Variants in RIMOC1 observed in about 807,000 individuals in gnomAD.
RIMOC1 encodes RAB7A-interacting MON1-CCZ1 complex subunit 1.
chr5:41,912,150 CA>C, the RIMOC1 span: 1 of 1,609,382 alleles, frequency 6.2e-7, no homozygotes, highest in Admixed American at 1.7e-5. Context: ...AGTTTCTTTC[CA>C]AGATCTAGAC....
the RIMOC1 span, chr5:41,918,133 C>T: frequency 1.0e-6 from 1 of 985,654 alleles, no homozygotes; most frequent in African/African-American, 1.7e-5. Flanking sequence ...TTTCTGTCTA[C>T]CTCAACTCCT....
At chr5:41,918,701 A>G in the RIMOC1 span, 2 of 985,322 alleles carry the variant, frequency 2.0e-6, no homozygotes, top group African/African-American at 1.7e-5. Context: ...CCTCTCTCCC[A>G]TTTCCCGCTG....
At chr5:41,911,289 C>G in the RIMOC1 span, 1 of 1,003,088 alleles carries the variant, frequency 1.0e-6, no homozygotes, top group African/African-American at 1.7e-5. Context: ...AGTTTGTATT[C>G]TGTGTCTTTT....
the RIMOC1 span, chr5:41,907,707 A>G: frequency 2.4e-3 from 3,319 of 1,389,976 alleles, 68 homozygotes; most frequent in African/African-American, 0.043. Flanking sequence ...AACTAGGTGA[A>G]GTAATCCTCA....
chr5:41,910,033 C>G, the RIMOC1 span: 1 of 615,242 alleles, frequency 1.6e-6, no homozygotes, highest in African/African-American at 2.0e-5. Flanking sequence ...AAGAGCTTAA[C>G]ACTTCAGACC....
the RIMOC1 span, chr5:41,916,453 A>G: frequency 1.0e-6 from 1 of 966,864 alleles, no homozygotes; most frequent in African/African-American, 1.8e-5. Flanking sequence ...TTCTGGTAAT[A>G]CAAAGCATCT....
At chr5:41,907,682 T>C in the RIMOC1 span, 2 of 1,119,800 alleles carry the variant, frequency 1.8e-6, no homozygotes, top group Non-Finnish European at 2.6e-6. Context: ...GTTTTTTGTT[T>C]AAATAACACT....
At chr5:41,908,522 TG>T in the RIMOC1 span, 1 of 152,182 alleles carries the variant, frequency 6.6e-6, no homozygotes, top group African/African-American at 2.4e-5. Context: ...GCTTCCAAAG[TG>T]CCCATTTATA....
At chr5:41,906,378 G>T in the RIMOC1 span, among the ~76,000 whole-genome samples, 2 of 152,062 alleles carry the variant, frequency 1.3e-5, no homozygotes, top group African/African-American at 2.4e-5. Flanking sequence ...CAAAGTGTGA[G>T]TTATGCCACC....
chr5:41,911,017 T>C, the RIMOC1 span: 24 of 1,595,962 alleles, frequency 1.5e-5, no homozygotes, highest in South Asian at 2.4e-4. Context: ...CAGTTTCCCT[T>C]TTTAGCTATG....
the RIMOC1 span, chr5:41,916,371 C>A: frequency 4.5e-6 from 4 of 881,152 alleles, no homozygotes; most frequent in Non-Finnish European, 5.4e-6. Flanking sequence ...ATATAATTGC[C>A]TACTGGAAAA....
At chr5:41,914,314 A>T in the RIMOC1 span, among the ~76,000 whole-genome samples, 2 of 152,106 alleles carry the variant, frequency 1.3e-5, no homozygotes, top group African/African-American at 4.8e-5. Flanking sequence ...AGTTTGCTAC[A>T]TACTGTCCTA....
At chr5:41,904,610 A>G in the RIMOC1 span, 1 of 717,344 alleles carries the variant, frequency 1.4e-6, no homozygotes. Flanking sequence ...GTCGCTTCTG[A>G]GCCCCTCTGC....
the RIMOC1 span, chr5:41,920,313 A>T: frequency 2.6e-5 from 4 of 152,160 alleles, no homozygotes; most frequent in East Asian, 5.8e-4. Context: ...TTATAGAATA[A>T]TGAACACATT....
chr5:41,912,671 G>C, the RIMOC1 span, among the ~76,000 whole-genome samples: 1 of 152,174 alleles, frequency 6.6e-6, no homozygotes, highest in Non-Finnish European at 1.5e-5. Flanking sequence ...CAGATCTCAT[G>C]AGAATTCACT....
the RIMOC1 span, chr5:41,916,977 C>T: frequency 6.7e-7 from 1 of 1,502,544 alleles, no homozygotes; most frequent in Non-Finnish European, 9.0e-7. Flanking sequence ...TCTTTTTAAG[C>T]TTTTAATTCT....
the RIMOC1 span, chr5:41,918,707 C>T: frequency 6.1e-6 from 6 of 985,338 alleles, no homozygotes; most frequent in African/African-American, 1.7e-5. Context: ...TCCCATTTCC[C>T]GCTGTGGCTG....
chr5:41,916,455 A>T, the RIMOC1 span: 1 of 966,650 alleles, frequency 1.0e-6, no homozygotes, highest in East Asian at 1.1e-4. Context: ...CTGGTAATAC[A>T]AAGCATCTTG....
chr5:41,909,366 A>AGTAGTGACCTTAACTT, the RIMOC1 span, among the ~76,000 whole-genome samples: 1 of 152,288 alleles, frequency 6.6e-6, no homozygotes, highest in Non-Finnish European at 1.5e-5. Context: ...CAAAACTGGA[A>AGTAGTGACCTTAACTT]GTAGTGACCT....
Sources: allele counts gnomAD v4.1 joint callset (sites outside exome capture counted in the v4.1 genomes callset), GRCh38; gene constraint gnomAD v4.1.1; transcripts MANE v1.5; gene names NCBI Gene and HGNC (gene_info 2026-07-23, HGNC 2026-07-21).